The following SLC35F4 variants were observed in gnomAD, a reference collection of about 807,000 sequenced individuals.
SLC35F4 encodes the protein solute carrier family 35 member F4, also known as chromosome 14 open reading frame 36.
SLC35F4 carries 24 observed loss-of-function variants against 44.2 expected under a neutral mutation model. That is an observed-to-expected ratio of 0.54 (90% CI 0.39 to 0.76). The LOEUF is 0.76. SLC35F4 is among the 30% of genes least tolerant of loss of function. The pLI is 0.00. For missense variants in SLC35F4, 562 were observed against 586.1 expected (o/e 0.96, Z 0.42); for synonymous variants, 238 against 223.6 (o/e 1.06, Z -0.57).
At chr14:57,804,338 G>C (rs1015165436) in intron 1 of SLC35F4, among the ~76,000 whole-genome samples, 1 of 152,160 alleles carries the variant, frequency 6.6e-6, no homozygotes, top group Non-Finnish European at 1.5e-5. Context: ...AAAGAACAAT[G>C]CTGGAGGCAT....
chr14:57,699,617 C>G (rs2075480788), intron 1 of SLC35F4, among the ~76,000 whole-genome samples: 1 of 152,152 alleles, frequency 6.6e-6, no homozygotes. Flanking sequence ...ACCAAATGTG[C>G]AATCTCTCCA....
intron 1 of SLC35F4, among the ~76,000 whole-genome samples, chr14:57,909,373 C>T (rs1158728363): frequency 6.6e-6 from 1 of 151,996 alleles, no homozygotes; most frequent in East Asian, 1.9e-4. Flanking sequence ...ACAAGTATCC[C>T]CATTTAGTAT....
At chr14:57,697,899 T>C (rs2075429879) in intron 1 of SLC35F4, among the ~76,000 whole-genome samples, 2 of 152,170 alleles carry the variant, frequency 1.3e-5, no homozygotes, top group East Asian at 3.9e-4. Context: ...CTTTGTAATC[T>C]ACTTTTTGTC....
At chr14:57,610,565 T>C (rs1663591600) in intron 1 of SLC35F4, among the ~76,000 whole-genome samples, 1 of 152,194 alleles carries the variant, frequency 6.6e-6, no homozygotes, top group Non-Finnish European at 1.5e-5. Context: ...AACCCTTCGG[T>C]TTCTCTCAGC....
intron 1 of SLC35F4, among the ~76,000 whole-genome samples, chr14:57,778,719 A>G (rs946900254): frequency 4.0e-5 from 6 of 151,798 alleles, no homozygotes; most frequent in African/African-American, 1.5e-4. Context: ...ACACAATCAG[A>G]TATAAAACAA....
At chr14:57,744,627 A>G (rs1229344577) in intron 1 of SLC35F4, among the ~76,000 whole-genome samples, 1 of 152,238 alleles carries the variant, frequency 6.6e-6, no homozygotes, top group Non-Finnish European at 1.5e-5. Flanking sequence ...GGAAGAATCA[A>G]TATCATGAAA....
At chr14:57,754,901 A>C (rs924557516) in intron 1 of SLC35F4, among the ~76,000 whole-genome samples, 1 of 152,200 alleles carries the variant, frequency 6.6e-6, no homozygotes, top group Non-Finnish European at 1.5e-5. Context: ...GGAAAGGAAC[A>C]TAATAAGATA....
chr14:57,938,293 T>C (rs1188070854), intron 1 of SLC35F4, among the ~76,000 whole-genome samples: 1 of 149,212 alleles, frequency 6.7e-6, no homozygotes, highest in Admixed American at 6.7e-5. Flanking sequence ...AACAAAGGGG[T>C]AATATAAGAA....
chr14:57,771,015 C>A (rs1838211195), intron 1 of SLC35F4, among the ~76,000 whole-genome samples: 1 of 152,180 alleles, frequency 6.6e-6, no homozygotes, highest in Non-Finnish European at 1.5e-5. Flanking sequence ...ATCAAGCCTT[C>A]CCCCATGGAA....
At chr14:57,754,921 G>A (rs1221403299) in intron 1 of SLC35F4, among the ~76,000 whole-genome samples, 3 of 152,188 alleles carry the variant, frequency 2.0e-5, no homozygotes, top group South Asian at 4.1e-4. Flanking sequence ...AGGTTTGGAG[G>A]AGCCAGATGG....
chr14:57,596,261 T>G, intron 1 of SLC35F4: 1 of 160,998 alleles, frequency 6.2e-6, no homozygotes, highest in Non-Finnish European at 1.4e-5. Context: ...ACAGAAGCAT[T>G]ATATACTGAC....
intron 1 of SLC35F4, among the ~76,000 whole-genome samples, chr14:57,764,997 A>G (rs1388845989): frequency 1.3e-5 from 2 of 152,228 alleles, no homozygotes; most frequent in Non-Finnish European, 2.9e-5. Context: ...TTAAACATGT[A>G]TAGACACAAA....
At chr14:57,613,124 A>G (rs1402484449) in intron 1 of SLC35F4, among the ~76,000 whole-genome samples, 1 of 152,128 alleles carries the variant, frequency 6.6e-6, no homozygotes, top group Non-Finnish European at 1.5e-5. Flanking sequence ...GTCTTATGGG[A>G]GAGTTGAGAA....
chr14:57,899,817 G>C (rs142840711), intron 1 of SLC35F4, among the ~76,000 whole-genome samples: 72 of 152,274 alleles, frequency 4.7e-4, no homozygotes, highest in African/African-American at 1.7e-3. Flanking sequence ...CAAGAATGAA[G>C]CCGTGGACCT....
intron 1 of SLC35F4, among the ~76,000 whole-genome samples, chr14:57,678,862 C>T (rs2074793378): frequency 6.6e-6 from 1 of 151,894 alleles, no homozygotes; most frequent in Non-Finnish European, 1.5e-5. Context: ...ACAGGAGCAC[C>T]CAGATTCATA....
chr14:57,655,742 T>C (rs374980310), intron 1 of SLC35F4, among the ~76,000 whole-genome samples: 2 of 152,086 alleles, frequency 1.3e-5, no homozygotes, highest in East Asian at 1.9e-4. Flanking sequence ...TCATCACCTA[T>C]AGACACACAC....
intron 1 of SLC35F4, among the ~76,000 whole-genome samples, chr14:57,649,012 CTTT>C (rs962833954): frequency 1.3e-5 from 2 of 152,150 alleles, no homozygotes; most frequent in African/African-American, 4.8e-5. Context: ...TTGTTCACTT[CTTT>C]GTCTGCCTAC....
At chr14:57,893,610 C>T (rs995850602) in intron 1 of SLC35F4, among the ~76,000 whole-genome samples, 7 of 152,146 alleles carry the variant, frequency 4.6e-5, no homozygotes, top group African/African-American at 1.4e-4. Flanking sequence ...ATGTGGGCAA[C>T]TCAGTTTAAG....
intron 1 of SLC35F4, among the ~76,000 whole-genome samples, chr14:57,966,393 T>A (rs867122024): frequency 2.0e-5 from 3 of 152,230 alleles, no homozygotes; most frequent in Admixed American, 6.5e-5. Context: ...GAAAACTGAT[T>A]GATGCATAAT....
Sources: allele counts gnomAD v4.1 joint callset (sites outside exome capture counted in the v4.1 genomes callset), GRCh38; gene constraint gnomAD v4.1.1; transcripts MANE v1.5; gene names NCBI Gene and HGNC (gene_info 2026-07-23, HGNC 2026-07-21).